Variants in IGSF11 observed in about 807,000 individuals in gnomAD.
IGSF11 encodes CXADR like 1.
In IGSF11, 22 loss-of-function variants were observed where a neutral mutation model predicts 41.0. The ratio of observed to expected loss-of-function variants is 0.54; its 90% CI spans 0.38 to 0.77. IGSF11 has a LOEUF of 0.77. Among genes scored for constraint, IGSF11 ranks in the 30% least tolerant of loss-of-function variants. IGSF11 has a pLI of 0.00. For missense variants in IGSF11, 444 were observed against 530.8 expected, an observed-to-expected ratio of 0.84 and a Z score of 1.61; for synonymous variants, 219 against 201.3, an observed-to-expected ratio of 1.09 and a Z score of -0.74.
chr3:119,071,601 T>C (rs1033145417), intron 1 of IGSF11, among the ~76,000 whole-genome samples: 7 of 152,232 alleles, frequency 4.6e-5, no homozygotes, highest in African/African-American at 7.2e-5. Context: ...CATTGAATAA[T>C]TGGGCATCCT....
chr3:118,983,844 T>G (rs755986809), intron 1 of IGSF11, among the ~76,000 whole-genome samples: 1 of 152,140 alleles, frequency 6.6e-6, no homozygotes, highest in Non-Finnish European at 1.5e-5. Flanking sequence ...GTAATATAAT[T>G]ATTTTTATTT....
At chr3:118,923,970 G>A (rs1395036969) in intron 4 of IGSF11, among the ~76,000 whole-genome samples, 1 of 152,028 alleles carries the variant, frequency 6.6e-6, no homozygotes, top group Non-Finnish European at 1.5e-5. Flanking sequence ...AGCAATTTGT[G>A]GGGACATACT....
upstream of IGSF11, among the ~76,000 whole-genome samples, chr3:119,039,186 C>A (rs2098286): frequency 6.6e-6 from 1 of 151,974 alleles, no homozygotes; most frequent in Non-Finnish European, 1.5e-5. Context: ...AACTTGGTGG[C>A]GTAAAACAAC....
intron 1 of IGSF11, among the ~76,000 whole-genome samples, chr3:119,093,170 C>T (rs1222560679): frequency 6.6e-6 from 1 of 152,186 alleles, no homozygotes; most frequent in Non-Finnish European, 1.5e-5. Context: ...CCCTATCGAA[C>T]AATGCACACC....
intron 1 of IGSF11, among the ~76,000 whole-genome samples, chr3:119,050,695 A>G (rs1941584583): frequency 1.3e-5 from 2 of 152,182 alleles, no homozygotes; most frequent in South Asian, 4.2e-4. Flanking sequence ...ACACATGCAC[A>G]CGTATGTTTA....
intron 1 of IGSF11, among the ~76,000 whole-genome samples, chr3:119,090,657 T>C (rs1258284468): frequency 6.6e-6 from 1 of 152,128 alleles, no homozygotes; most frequent in African/African-American, 2.4e-5. Flanking sequence ...TTCAATAAAT[T>C]GTGATAGAAT....
intron 1 of IGSF11, among the ~76,000 whole-genome samples, chr3:119,027,984 T>C (rs1237041643): frequency 6.6e-6 from 1 of 152,212 alleles, no homozygotes; most frequent in Non-Finnish European, 1.5e-5. Context: ...GTTTTTGCCA[T>C]GTATTCTGTG....
At chr3:118,933,426 C>T (rs1445888166) in intron 1 of IGSF11, among the ~76,000 whole-genome samples, 3 of 150,368 alleles carry the variant, frequency 2.0e-5, no homozygotes, top group Non-Finnish European at 4.4e-5. Context: ...ACACTGACTA[C>T]ACCAAGTCCA....
intron 4 of IGSF11, among the ~76,000 whole-genome samples, chr3:118,924,898 A>T (rs575984781): frequency 3.5e-4 from 54 of 152,310 alleles, no homozygotes; most frequent in African/African-American, 1.1e-3. Flanking sequence ...ACAGTGGAAA[A>T]TCTAAAATTT....
intron 1 of IGSF11, among the ~76,000 whole-genome samples, chr3:118,985,861 C>T (rs1485860446): frequency 6.6e-6 from 1 of 152,102 alleles, no homozygotes; most frequent in African/African-American, 2.4e-5. Flanking sequence ...AGCACCAGCA[C>T]CAGAGTGATT....
intron 1 of IGSF11, among the ~76,000 whole-genome samples, chr3:119,069,262 G>A (rs936084622): frequency 2.0e-5 from 3 of 152,064 alleles, no homozygotes; most frequent in Non-Finnish European, 4.4e-5. Flanking sequence ...TGGTAGAGAG[G>A]AGAGACAACA....
At chr3:119,141,427 T>C (rs2077647036) in intron 1 of IGSF11, among the ~76,000 whole-genome samples, 1 of 151,338 alleles carries the variant, frequency 6.6e-6, no homozygotes, top group Admixed American at 6.6e-5. Flanking sequence ...TAGAGAGATG[T>C]TAATATAATG....
At chr3:118,947,792 ACAC>A (rs1418556848) in intron 1 of IGSF11, 1 of 152,188 alleles carries the variant, frequency 6.6e-6, no homozygotes, top group African/African-American at 2.4e-5. Flanking sequence ...TTGACTTCTA[ACAC>A]CACACTTTTA....
At chr3:119,031,953 G>A (rs1322216926) in intron 1 of IGSF11, among the ~76,000 whole-genome samples, 1 of 151,966 alleles carries the variant, frequency 6.6e-6, no homozygotes, top group African/African-American at 2.4e-5. Flanking sequence ...CTATTTCAAG[G>A]AATCACAAGT....
chr3:119,059,592 A>G (rs185821706), intron 1 of IGSF11, among the ~76,000 whole-genome samples: 53 of 152,330 alleles, frequency 3.5e-4, no homozygotes, highest in African/African-American at 1.3e-3. Flanking sequence ...ATTATTTTTC[A>G]GTACAACTAG....
intron 1 of IGSF11, among the ~76,000 whole-genome samples, chr3:118,975,693 A>G (rs1338372315): frequency 6.6e-6 from 1 of 152,238 alleles, no homozygotes; most frequent in Non-Finnish European, 1.5e-5. Flanking sequence ...AGCCACAAAA[A>G]AGAATGATAT....
At chr3:119,015,003 G>C (rs1938533696) in intron 1 of IGSF11, among the ~76,000 whole-genome samples, 1 of 145,060 alleles carries the variant, frequency 6.9e-6, no homozygotes, top group South Asian at 2.1e-4. Context: ...AAACAACTTG[G>C]AAGTATTTTT....
chr3:119,125,212 A>T (rs1479230027), intron 1 of IGSF11, among the ~76,000 whole-genome samples: 1 of 152,216 alleles, frequency 6.6e-6, no homozygotes, highest in Non-Finnish European at 1.5e-5. Flanking sequence ...ATAAGAAATC[A>T]TCTGAAAGGG....
intron 1 of IGSF11, among the ~76,000 whole-genome samples, chr3:119,005,291 C>A (rs1384989769): frequency 2.0e-5 from 3 of 147,492 alleles, no homozygotes; most frequent in East Asian, 2.0e-4. Flanking sequence ...GCAACCCCTG[C>A]CTTTTTTTGT....
Sources: gnomAD v4.1 joint callset for allele counts (sites outside exome capture counted in the v4.1 genomes callset) on GRCh38, gnomAD v4.1.1 for gene constraint, MANE v1.5 for transcripts, NCBI Gene and HGNC (gene_info 2026-07-23, HGNC 2026-07-21) for gene names.